SH3BP2: variants seen among roughly 807,000 people sequenced by gnomAD.
The protein encoded by SH3BP2 is SH3 domain-binding protein 2.
In SH3BP2, 38 loss-of-function variants were observed where a neutral mutation model predicts 56.2. The observed-to-expected ratio is 0.68, with a 90% CI of 0.52 to 0.89. The LOEUF is 0.89. Among genes scored for constraint, SH3BP2 ranks in the 40% least tolerant of loss-of-function variants. The pLI is 0.00. For missense variants in SH3BP2, 748 were observed against 762.6 expected (o/e 0.98, Z 0.23); for synonymous variants, 346 against 316.7 (o/e 1.09, Z -0.98).
Position 2,829,649 on chromosome 4 carries a change from G to A in SH3BP2, c.743G>A (p.Gly248Asp). The A allele has an allele frequency of 6.2e-7, 1 of 1,613,132 alleles. No individual in the cohort carries two copies. Among genetic ancestry groups the A allele is most frequent in the Non-Finnish European group, 8.5e-7 (1 of 1,179,872 alleles). The change falls in exon 8 of 13, where the codon GGC (glycine) becomes GAC (aspartate). Residue 248 changes from glycine to aspartate, a missense_variant. Transcript: ENST00000503393. This position sits in a 1 kb window ranked among gnomAD's most constrained non-coding sequence, Gnocchi z 4.9. The stretch of plus-strand genomic sequence containing the variant: ...CCTAAGCACGGCCTCCCAGATGTTG[G>A]CCTGGCTGCTGAGGACTCCAAGAGG... ...PPPKHGLPDV[G>D]LAAEDSKRDP... is the part of the protein sequence containing the mutation.
chr4:2,794,833 A>C (rs550657361), intron 1 of SH3BP2, among the ~76,000 whole-genome samples: 3 of 152,004 alleles, frequency 2.0e-5, no homozygotes, highest in African/African-American at 7.3e-5. Context: ...GGAGCTCCCC[A>C]CCCCCCAGGG....
rs112730511 is a variant in SH3BP2 at position 2,829,473 on chromosome 4, C to T, written c.587-20C>T. 117 of 1,613,212 alleles carry T rather than the reference C, an allele frequency of 7.3e-5. 1 individual carries two copies. The highest frequency in any genetic ancestry group is 2.8e-4 in the African/African-American group (21 of 74,978). ...GCCCAGTCTCTGTCAGGGTCCAACC[C>T]GGGTCTCTTTGCTCTGCAGATGCCC... On this transcript the variant is annotated intron_variant, in intron 7 of 12. Transcript: ENST00000503393. The surrounding 1 kb of genome is among the most constrained non-coding windows in gnomAD (Gnocchi z 4.9).
rs375094936 is a variant in SH3BP2 at position 2,830,029 on chromosome 4, G to A, written c.1123G>A (p.Gly375Arg). The change falls in exon 8 of 13, where the codon GGA becomes AGA. Residue 375 changes from glycine to arginine, a missense_variant. Around this residue, in one of 3 missense-constraint regions of SH3BP2, gnomAD observed 635 missense variants for 615.0 expected, o/e 1.03. Coordinates refer to ENST00000503393, the MANE Select transcript of SH3BP2 (RefSeq NM_001122681.2). ...CCCCCCAAGGGAGGCAGCCATGCCC[G>A]GACTCTTTGTGCCCCCCGTGGCTCC... ...EDPPREAAMP[G>R]LFVPPVAPRP... 8.8e-5 allele frequency: 142 copies of A among 1,612,680 alleles called. No individual in the cohort carries two copies. Among genetic ancestry groups the A allele is most frequent in the Admixed American group, 7.3e-4 (44 of 60,006 alleles).
intron 1 of SH3BP2, chr4:2,812,552 C>G (rs1372826695): frequency 2.0e-6 from 3 of 1,496,372 alleles, no homozygotes; most frequent in Non-Finnish European, 2.7e-6. Flanking sequence ...GTAAGGGGGC[C>G]CCACGTGGGA....
Position 2,832,416 on chromosome 4 carries a change from GGC to G in SH3BP2, c.1488+7_1488+8del, listed in dbSNP as rs759044562. 6.2e-7 allele frequency: 1 copy of G among 1,613,362 alleles called. No individual in the cohort carries two copies. The highest frequency in any genetic ancestry group is 1.1e-5 in the South Asian group (1 of 91,070). On this transcript the variant is annotated splice_donor_5th_base_variant and intron_variant, in intron 11 of 12. Transcript: ENST00000503393. ...CTCCTCTACCAAGTCGGGGAAGGTA[GGC>G]GCCAGGGGAAGATGCCCCAGGGCCC...
At chr4:2,809,715 T>C (rs1363010139) in intron 1 of SH3BP2, 11 of 880,478 alleles carry the variant, frequency 1.2e-5, no homozygotes, top group Non-Finnish European at 1.5e-5. Context: ...GGTGTTTGCC[T>C]TACTCCTGAG....
chr4:2,827,086 T>G (rs1031577688), intron 5 of SH3BP2, 144 bp from the exon 6 acceptor site: 2 of 718,462 alleles, frequency 2.8e-6, no homozygotes, highest in Non-Finnish European at 5.0e-6. Context: ...TAACCATGTG[T>G]GCATGTGTTT....
chr4:2,833,043 T>G lies in SH3BP2; in HGVS notation c.1542T>G (p.Phe514Leu). 6 of 1,614,136 alleles carry G rather than the reference T, an allele frequency of 3.7e-6. No individual in the cohort carries two copies. Among genetic ancestry groups the G allele is most frequent in the Non-Finnish European group, 5.1e-6 (6 of 1,179,986 alleles). Residue 514 changes from phenylalanine (F) to leucine (L), a missense_variant, in exon 12 of 13, where the codon TTT becomes TTG. This residue lies in a region of SH3BP2 where 635 missense variants were observed against 615.0 expected (regional missense o/e 1.03). Transcript: ENST00000503393. Reference sequence around the variant, plus strand: ...ACAAAGTGAGGAACTATCGCATTTTTGAGAAGGTGAGAGGGCTCTGAGTGG... The same window carrying G: ...ACAAAGTGAGGAACTATCGCATTTTGGAGAAGGTGAGAGGGCTCTGAGTGG... ...TSNKVRNYRIFEKDSKFYLEG... is the reference protein window; with the variant it reads ...TSNKVRNYRILEKDSKFYLEG...
chr4:2,807,393 C>T (rs231339), intron 1 of SH3BP2, among the ~76,000 whole-genome samples: 62,991 of 152,068 alleles, frequency 0.41, 14,990 homozygotes, highest in Admixed American at 0.53. Context: ...TCTGTCTGTC[C>T]TTCTCTTGGG....
chr4:2,811,225 G>T (rs1723735778), intron 1 of SH3BP2, among the ~76,000 whole-genome samples: 1 of 152,228 alleles, frequency 6.6e-6, no homozygotes. Context: ...TAGGCTATGG[G>T]ACAGCTTGGG....
chr4:2,822,855 T>C (rs537310060), intron 2 of SH3BP2, 80 bp from the exon 3 acceptor site: 37 of 1,050,996 alleles, frequency 3.5e-5, no homozygotes, highest in Non-Finnish European at 5.4e-5. Context: ...GGCCCCAAGT[T>C]GTCCTGTGGA....
rs2108739292 is a variant in SH3BP2 at position 2,830,074 on chromosome 4, C to T, written c.1168C>T (p.Leu390=). 1 of 1,610,446 alleles carries T rather than the reference C, an allele frequency of 6.2e-7. No individual in the cohort carries two copies. The highest frequency in any genetic ancestry group is 8.5e-7 in the Non-Finnish European group (1 of 1,179,398). The change falls in exon 8 of 13, where the codon CTG becomes TTG. Residue 390 remains leucine (L), a synonymous_variant. Transcript: ENST00000503393. ...PVAPRPPALK[L]PVPEAMARPA... Reference sequence around the variant, plus strand: ...GGCTCCCCGGCCTCCTGCGCTGAAGCTGCCAGTGCCTGAGGCCATGGCGCG... The same window carrying T: ...GGCTCCCCGGCCTCCTGCGCTGAAGTTGCCAGTGCCTGAGGCCATGGCGCG...
At position 2,831,638 on chromosome 4, in the gene SH3BP2, G is replaced by A; in HGVS notation, c.1309G>A (p.Ala437Thr). ...SFEKPRQPSQ[A>T]DTGGDDSDED... The stretch of plus-strand genomic sequence containing the variant: ...TGAAAAGCCCCGGCAACCCTCACAG[G>A]CTGACACTGGCGGGGACGACTCGGA... The change falls in exon 9 of 13, where the codon GCT (alanine) becomes ACT (threonine). Residue 437 changes from alanine (A) to threonine (T), a missense_variant. Around this residue, in one of 3 missense-constraint regions of SH3BP2, gnomAD observed 635 missense variants for 615.0 expected, o/e 1.03. Transcript: ENST00000503393. The surrounding 1 kb of genome is among the most constrained non-coding windows in gnomAD (Gnocchi z 4.1). 3.1e-6 allele frequency: 5 copies of A among 1,607,160 alleles called. No individual in the cohort carries two copies. The highest frequency in any genetic ancestry group is 4.2e-6 in the Non-Finnish European group (5 of 1,176,600).
chr4:2,829,377 G>T lies in SH3BP2; in HGVS notation c.587-116G>T. 9.3e-7 allele frequency: 1 copy of T among 1,080,252 alleles called. No individual in the cohort carries two copies. The highest frequency in any genetic ancestry group is 1.4e-6 in the Non-Finnish European group (1 of 705,470). The allele number at this position is 1,080,252 out of a possible 1,614,324, so 66.9% of individuals were successfully genotyped here. A position where few individuals can be genotyped will look rare whatever the true frequency, so the allele number is the denominator to read the frequency against. ...TGCTGGGCTGCTGGGTGGGCAGGCT[G>T]TGGGGTGGGCCTACCATGGGTTGCA... On this transcript the variant is annotated intron_variant, in intron 7 of 12. Transcript: ENST00000503393. This position sits in a 1 kb window ranked among gnomAD's most constrained non-coding sequence, Gnocchi z 4.9.
At chr4:2,823,232 G>C (rs759429197) in intron 3 of SH3BP2, among the ~76,000 whole-genome samples, 195 bp downstream of exon 3, 1 of 152,194 alleles carries the variant, frequency 6.6e-6, no homozygotes, top group Non-Finnish European at 1.5e-5. Flanking sequence ...GCCCTCAGGC[G>C]CAGGACCTTG....
rs972671929 is a variant in SH3BP2 at position 2,827,428 on chromosome 4, C to T, written c.517+110C>T. The T allele has an allele frequency of 8.8e-6, 11 of 1,254,980 alleles. No homozygotes were observed. In the East Asian group the frequency reaches 2.2e-4, roughly 25 times the overall value. 77.7% of individuals were successfully genotyped at this position (1,254,980 alleles called of 1,614,324 possible). A position where few individuals can be genotyped will look rare whatever the true frequency, so the allele number is the denominator to read the frequency against. ...TTCGGCTGTGCTCCTTGCTCTGGCCCTTTGGCAGTGCGCAGTAGCATCCCT... is the reference window on the plus strand; with the variant it reads ...TTCGGCTGTGCTCCTTGCTCTGGCCTTTTGGCAGTGCGCAGTAGCATCCCT... On this transcript the variant is annotated intron_variant, in intron 6 of 12. Coordinates refer to ENST00000503393, the MANE Select transcript of SH3BP2 (RefSeq NM_001122681.2).
chr4:2,820,475 G>A (rs1312171936), intron 1 of SH3BP2, 139 bp from the exon 2 acceptor site: 54 of 1,108,382 alleles, frequency 4.9e-5, no homozygotes, highest in Non-Finnish European at 7.0e-5. Context: ...AAGGCCCTCA[G>A]AAAAGGGGTT....
intron 2 of SH3BP2, among the ~76,000 whole-genome samples, 180 bp downstream of exon 2, chr4:2,820,933 G>A (rs1387889180): frequency 3.3e-5 from 5 of 152,180 alleles, no homozygotes; most frequent in African/African-American, 1.2e-4. Flanking sequence ...TAGCCCCCAG[G>A]ACTGTAGCAG....
intron 1 of SH3BP2, among the ~76,000 whole-genome samples, chr4:2,816,164 C>T (rs1723988009): frequency 6.6e-6 from 1 of 152,066 alleles, no homozygotes; most frequent in African/African-American, 2.4e-5. Flanking sequence ...AAGCGATTCT[C>T]CTGCCTCAGC....
Sources: gnomAD v4.1 joint callset for allele counts (sites outside exome capture counted in the v4.1 genomes callset) on GRCh38, gnomAD v4.1.1 for gene constraint, gnomAD v4.1.1 regional missense constraint, Gnocchi (gnomAD v3.1) non-coding constraint, MANE v1.5 for transcripts, NCBI Gene and HGNC (gene_info 2026-07-23, HGNC 2026-07-21) for gene names.